Variants in ADARB2 observed in about 807,000 individuals in gnomAD.
ADARB2 encodes the protein inactive double-stranded RNA-specific editase B2.
ADARB2 carries 25 observed loss-of-function variants against 62.2 expected under a neutral mutation model. The observed-to-expected ratio is 0.40, with a 90% CI of 0.29 to 0.56. The LOEUF (loss-of-function observed/expected upper bound fraction) is 0.56, where lower values mean the gene tolerates loss of function less well. ADARB2 is among the 20% of genes least tolerant of loss of function. The pLI, the probability that ADARB2 is intolerant of heterozygous loss-of-function variation, is 0.43. For synonymous variants in ADARB2, 572 were observed against 500.8 expected (o/e 1.14, Z -1.90); for missense variants, 1,071 against 1,077.4 (o/e 0.99, Z 0.08).
At chr10:1,570,434 G>A (rs1292394538) in intron 1 of ADARB2, among the ~76,000 whole-genome samples, 1 of 83,798 alleles carries the variant, frequency 1.2e-5, no homozygotes, top group Non-Finnish European at 2.6e-5. Flanking sequence ...GACAGTGGAG[G>A]GGAAGCAGGA....
intron 1 of ADARB2, among the ~76,000 whole-genome samples, chr10:1,458,320 C>CCTAA (rs1038210009): frequency 8.9e-4 from 136 of 152,274 alleles, no homozygotes; most frequent in African/African-American, 3.1e-3. Context: ...CCCTAATGAG[C>CCTAA]TGCCAGGAGA....
intron 1 of ADARB2, among the ~76,000 whole-genome samples, chr10:1,713,219 A>G (rs575304475): frequency 1.8e-4 from 28 of 152,318 alleles, no homozygotes; most frequent in African/African-American, 6.5e-4. Context: ...AGGCGAAGGC[A>G]GAACCTGCAA....
intron 1 of ADARB2, among the ~76,000 whole-genome samples, chr10:1,414,999 A>G (rs748808665): frequency 6.0e-5 from 9 of 150,190 alleles, no homozygotes; most frequent in Non-Finnish European, 1.2e-4. Context: ...AGGTGGATGG[A>G]TGGATGGATG....
chr10:1,335,293 T>G (rs1831963414), intron 3 of ADARB2, among the ~76,000 whole-genome samples: 1 of 137,684 alleles, frequency 7.3e-6, no homozygotes, highest in African/African-American at 2.8e-5. Context: ...GAGGAATGGA[T>G]GGAGGGAGAT....
At chr10:1,249,625 CACACACACACACACAT>C (rs1831018217) in intron 4 of ADARB2, among the ~76,000 whole-genome samples, 1 of 151,454 alleles carries the variant, frequency 6.6e-6, no homozygotes, top group Admixed American at 6.6e-5. Flanking sequence ...TGCACACACA[CACACACACACACACAT>C]ACACACGAGT....
chr10:1,394,721 T>C (rs549356583), intron 1 of ADARB2, among the ~76,000 whole-genome samples: 1 of 152,260 alleles, frequency 6.6e-6, no homozygotes, highest in Admixed American at 6.5e-5. Flanking sequence ...GCCTGGGGCC[T>C]GAGGAACGTC....
At chr10:1,269,743 G>A (rs1161754647) in intron 4 of ADARB2, among the ~76,000 whole-genome samples, 7 of 152,192 alleles carry the variant, frequency 4.6e-5, no homozygotes, top group African/African-American at 1.4e-4. Context: ...AGCCCCGTGG[G>A]CCTACAGAGC....
intron 1 of ADARB2, among the ~76,000 whole-genome samples, chr10:1,510,110 C>CTCTTTCTTTCTTTCTTCTT (rs1831909089): frequency 1.9e-5 from 2 of 106,184 alleles, no homozygotes; most frequent in African/African-American, 7.2e-5. Flanking sequence ...CTTTCTTTCT[C>CTCTTTCTTTCTTTCTTCTT]TCTTTCTTTC....
intron 1 of ADARB2, among the ~76,000 whole-genome samples, chr10:1,619,303 A>G (rs936519887): frequency 6.0e-5 from 6 of 100,054 alleles, no homozygotes; most frequent in Admixed American, 2.3e-4. Context: ...AAAAAAAAAA[A>G]AAAAAGAAAA....
At chr10:1,442,089 C>G (rs1162697022) in intron 1 of ADARB2, among the ~76,000 whole-genome samples, 1 of 152,188 alleles carries the variant, frequency 6.6e-6, no homozygotes, top group East Asian at 1.9e-4. Flanking sequence ...TTAAATACCC[C>G]ATGGGGTATA....
chr10:1,208,561 G>A (rs187206795), intron 7 of ADARB2, among the ~76,000 whole-genome samples: 3 of 152,334 alleles, frequency 2.0e-5, no homozygotes, highest in East Asian at 1.9e-4. Context: ...GCATCAGCAC[G>A]AGGCCCTGGG....
chr10:1,603,840 G>C (rs899402163), intron 1 of ADARB2, among the ~76,000 whole-genome samples: 1 of 151,782 alleles, frequency 6.6e-6, no homozygotes, highest in African/African-American at 2.4e-5. Context: ...GTTTTACTCT[G>C]TCTCCAGGCT....
chr10:1,456,478 C>A lies in ADARB2; in HGVS notation c.101-77318G>T, dbSNP rs1182139156. On this transcript the variant is annotated intron_variant, in intron 1 of 9. Coordinates refer to ENST00000381312, the MANE Select transcript of ADARB2 (RefSeq NM_018702.4). ...TGGCTCTCATGCCTCCCGTCCCCGG[C>A]CCAAAACCTATGAACACCCCACACT... 2.6e-5 allele frequency among the ~76,000 whole-genome samples: 4 copies of A among 152,160 alleles called. No individual in the cohort carries two copies. The East Asian group carries it at 7.7e-4, about 29-fold the overall frequency.
chr10:1,569,014 C>T (rs568029882), intron 1 of ADARB2, among the ~76,000 whole-genome samples: 1 of 151,698 alleles, frequency 6.6e-6, no homozygotes, highest in Non-Finnish European at 1.5e-5. Flanking sequence ...GAGAGAGACA[C>T]AGAGAGACAG....
chr10:1,509,452 T>C (rs1588282253), intron 1 of ADARB2, among the ~76,000 whole-genome samples: 2 of 152,310 alleles, frequency 1.3e-5, no homozygotes, highest in South Asian at 2.1e-4. Context: ...TCAAAGAATT[T>C]GTACAGGATA....
intron 3 of ADARB2, among the ~76,000 whole-genome samples, chr10:1,274,362 C>T (rs1831293770): frequency 6.6e-6 from 1 of 152,278 alleles, no homozygotes; most frequent in Non-Finnish European, 1.5e-5. Context: ...AAGGACAAAA[C>T]TACATCTTTT....
At chr10:1,557,102 C>T (rs1832715754) in intron 1 of ADARB2, 1 of 344,394 alleles carries the variant, frequency 2.9e-6, no homozygotes, top group South Asian at 2.2e-5. Context: ...TCTTTCCTTC[C>T]ATTGCCTCAG....
In ADARB2 at chr10:1,484,238, G is replaced by T. The variant is rs145099727; in HGVS notation, c.101-105078C>A. ...AGAAGGAGAAAAATCCTTGAAAATT[G>T]GTTTGAAAAGTGGTGTGCAAAAACA... On this transcript the variant is annotated intron_variant, in intron 1 of 9. Transcript: ENST00000381312. Among the ~76,000 whole-genome samples, 84 of 152,300 alleles carry T rather than the reference G, an allele frequency of 5.5e-4. 1 individual carries two copies. The highest frequency in any genetic ancestry group is 2.6e-4 in the Admixed American group (4 of 15,296).
At chr10:1,292,136 G>A (rs1831471618) in intron 3 of ADARB2, 1 of 152,310 alleles carries the variant, frequency 6.6e-6, no homozygotes, top group African/African-American at 2.4e-5. Flanking sequence ...CAGATAGTCT[G>A]GGAGTGGGTA....
Sources: gnomAD v4.1 joint callset for allele counts (sites outside exome capture counted in the v4.1 genomes callset) on GRCh38, gnomAD v4.1.1 for gene constraint, MANE v1.5 for transcripts, NCBI Gene and HGNC (gene_info 2026-07-23, HGNC 2026-07-21) for gene names.